Variants in TMED8 observed in about 807,000 individuals in gnomAD.
TMED8 encodes the protein protein TMED8.
TMED8 carries 15 observed loss-of-function variants against 32.7 expected under a neutral mutation model. The ratio of observed to expected loss-of-function variants is 0.46; its 90% CI spans 0.31 to 0.71. The LOEUF is 0.71. TMED8 is among the 30% of genes least tolerant of loss of function. TMED8 has a pLI of 0.06. For missense variants in TMED8, 390 were observed against 423.9 expected (o/e 0.92, Z 0.70); for synonymous variants, 147 against 161.4 (o/e 0.91, Z 0.68).
rs969402556 is a variant in TMED8 at position 77,337,955 on chromosome 14, G to A, written c.*3816C>T. The A allele has an allele frequency of 3.9e-5, 6 of 152,048 alleles. No homozygotes were observed. Among genetic ancestry groups the A allele is most frequent in the African/African-American group, 1.2e-4 (5 of 41,392 alleles). The allele number at this position is 152,048 out of a possible 1,614,324, so 9.4% of individuals were successfully genotyped here. ...AAAATAAATTCTAAATCCCCCAACC[G>A]GCTGAATGGACCCCTGTCTTGGCCC... On this transcript the variant is annotated 3_prime_UTR_variant, in exon 6 of 6. Transcript: ENST00000216468.
Position 77,338,073 on chromosome 14 carries a change from C to T in TMED8, c.*3698G>A, listed in dbSNP as rs1029767731. ...AGATTACAGGGTGCCTCATATTACC[C>T]TCTTCCCTTTGGAATTTAAATACAA... is the stretch of plus-strand genomic sequence containing the variant. On this transcript the variant is annotated 3_prime_UTR_variant, in exon 6 of 6. Transcript: ENST00000216468. 1.3e-5 allele frequency: 2 copies of T among 152,120 alleles called. No homozygotes were observed. 9.4% of individuals were successfully genotyped at this position (152,120 alleles called of 1,614,324 possible).
In TMED8 at chr14:77,338,157, G is replaced by T. The variant is rs973869844; in HGVS notation, c.*3614C>A. On this transcript the variant is annotated 3_prime_UTR_variant, in exon 6 of 6. Coordinates refer to ENST00000216468, the MANE Select transcript of TMED8 (RefSeq NM_213601.3). ...AGACTAACCAAACAGACCCTTTGTG[G>T]CAATAAAATACCAAATCCCAACCTG... 3 of 152,034 alleles carry T rather than the reference G, an allele frequency of 2.0e-5. No homozygotes were observed. Among genetic ancestry groups the T allele is most frequent in the Non-Finnish European group, 4.4e-5 (3 of 68,016 alleles). The allele number at this position is 152,034 out of a possible 1,614,324, so 9.4% of individuals were successfully genotyped here. A position where few individuals can be genotyped will look rare whatever the true frequency, so the allele number is the denominator to read the frequency against.
intron 1 of TMED8, among the ~76,000 whole-genome samples, chr14:77,355,198 CTT>C (rs769300656): frequency 9.4e-5 from 13 of 138,834 alleles, no homozygotes; most frequent in Admixed American, 1.5e-4. Context: ...GCACTAAACA[CTT>C]TTTTTTTTTT....
At chr14:77,375,441 C>A (rs1478544888) in intron 1 of TMED8, among the ~76,000 whole-genome samples, 1 of 152,088 alleles carries the variant, frequency 6.6e-6, no homozygotes, top group Non-Finnish European at 1.5e-5. Flanking sequence ...TAAATACTGG[C>A]GCATGCAAGG....
intron 1 of TMED8, among the ~76,000 whole-genome samples, chr14:77,375,366 C>T (rs1218416127): frequency 6.6e-6 from 1 of 151,978 alleles, no homozygotes; most frequent in Non-Finnish European, 1.5e-5. Flanking sequence ...CTATCTAAAA[C>T]GCGTGGGTAC....
At chr14:77,375,284 T>C (rs1419800347) in intron 1 of TMED8, among the ~76,000 whole-genome samples, 2 of 151,980 alleles carry the variant, frequency 1.3e-5, no homozygotes, top group African/African-American at 4.8e-5. Context: ...AGTAAGCATC[T>C]CTACCAATGT....
chr14:77,373,286 T>C (rs1469272716), intron 1 of TMED8, among the ~76,000 whole-genome samples: 1 of 151,228 alleles, frequency 6.6e-6, no homozygotes, highest in Non-Finnish European at 1.5e-5. Context: ...AATAGAGTTT[T>C]ATTTTCCTTT....
chr14:77,372,940 ATATATATATATATTTTTTTTTTT>A (rs1566696531), intron 1 of TMED8, among the ~76,000 whole-genome samples: 45 of 26,444 alleles, frequency 1.7e-3, no homozygotes, highest in Non-Finnish European at 2.3e-3. Flanking sequence ...ATATATATAT[ATATATATATATATTTTTTTTTTT>A]TTTTTTTTTT....
chr14:77,348,669 G>A (rs1343277811), intron 2 of TMED8, among the ~76,000 whole-genome samples: 1 of 152,132 alleles, frequency 6.6e-6, no homozygotes, highest in Admixed American at 6.5e-5. Context: ...GTAAATGACT[G>A]GAAAATGGTA....
At chr14:77,364,202 T>C (rs1445092822) in intron 1 of TMED8, among the ~76,000 whole-genome samples, 2 of 152,102 alleles carry the variant, frequency 1.3e-5, no homozygotes, top group Admixed American at 6.5e-5. Flanking sequence ...CTTTTTTTTC[T>C]TCTTCTTCTT....
At chr14:77,372,003 T>C (rs1893687126) in intron 1 of TMED8, among the ~76,000 whole-genome samples, 1 of 152,168 alleles carries the variant, frequency 6.6e-6, no homozygotes, top group Admixed American at 6.6e-5. Context: ...AATCAAAATG[T>C]CAATTAAATG....
chr14:77,370,278 G>A (rs183798580), intron 1 of TMED8, among the ~76,000 whole-genome samples: 20 of 152,032 alleles, frequency 1.3e-4, no homozygotes, highest in African/African-American at 4.3e-4. Flanking sequence ...CCTTTGGATC[G>A]TAATGAAGAC....
At chr14:77,345,587 G>A (rs1175338403) in intron 3 of TMED8, among the ~76,000 whole-genome samples, 1 of 146,784 alleles carries the variant, frequency 6.8e-6, no homozygotes. Context: ...TCGAGCCCAG[G>A]ATTTTGAGGC....
intron 1 of TMED8, among the ~76,000 whole-genome samples, chr14:77,357,321 A>AT (rs912967665): frequency 6.6e-6 from 1 of 152,230 alleles, no homozygotes; most frequent in African/African-American, 2.4e-5. Flanking sequence ...CTAATCCACC[A>AT]TCAAGCTCCT....
Position 77,341,637 on chromosome 14 carries a change from C to G in TMED8, c.*134G>C, listed in dbSNP as rs1892901305. 1 of 838,882 alleles carries G rather than the reference C, an allele frequency of 1.2e-6. No homozygotes were observed. Among genetic ancestry groups the G allele is most frequent in the Non-Finnish European group, 1.9e-6 (1 of 527,686 alleles). The allele number at this position is 838,882 out of a possible 1,614,324, so 52.0% of individuals were successfully genotyped here. ...GGAAAAAGCTACGTGGGCCAACAGT[C>G]AGGCATGCCAGACAGGGTGTGAGGC... On this transcript the variant is annotated 3_prime_UTR_variant, in exon 6 of 6. Transcript: ENST00000216468.
intron 1 of TMED8, among the ~76,000 whole-genome samples, chr14:77,360,334 C>G (rs1019474637): frequency 1.3e-5 from 2 of 152,120 alleles, no homozygotes; most frequent in African/African-American, 2.4e-5. Flanking sequence ...ACACCTCCCC[C>G]TTTCCTCTAC....
At chr14:77,371,342 T>C (rs1158271501) in intron 1 of TMED8, among the ~76,000 whole-genome samples, 1 of 152,224 alleles carries the variant, frequency 6.6e-6, no homozygotes, top group Non-Finnish European at 1.5e-5. Flanking sequence ...AACTACCAAG[T>C]GTAGTTAGGA....
chr14:77,350,052 T>C (rs981850698), intron 2 of TMED8, among the ~76,000 whole-genome samples: 4 of 152,202 alleles, frequency 2.6e-5, no homozygotes, highest in Non-Finnish European at 4.4e-5. Flanking sequence ...AGGGGAGATA[T>C]TTTTTCCTCC....
At chr14:77,344,377 A>C (rs1892979916) in intron 3 of TMED8, among the ~76,000 whole-genome samples, 1 of 152,260 alleles carries the variant, frequency 6.6e-6, no homozygotes, top group Non-Finnish European at 1.5e-5. Context: ...CTCGGGCTAC[A>C]GATTGTCTCA....
Sources: allele counts gnomAD v4.1 joint callset (sites outside exome capture counted in the v4.1 genomes callset), GRCh38; gene constraint gnomAD v4.1.1; transcripts MANE v1.5; gene names NCBI Gene and HGNC (gene_info 2026-07-23, HGNC 2026-07-21).